Variants in NCCRP1 observed in about 807,000 individuals in gnomAD.
NCCRP1 encodes the protein F-box only protein 50.
NCCRP1 carries 32 observed loss-of-function variants against 34.4 expected under a neutral mutation model. The ratio of observed to expected loss-of-function variants is 0.93; its 90% CI spans 0.70 to 1.25. The LOEUF (loss-of-function observed/expected upper bound fraction) is 1.25, where lower values mean the gene tolerates loss of function less well. NCCRP1 is among the 50% of genes most tolerant of loss of function. The probability of loss-of-function intolerance (pLI) is 0.00; values close to 1 mark genes in which losing one functional copy is unlikely to be tolerated. For synonymous variants in NCCRP1, 172 were observed against 180.1 expected, an observed-to-expected ratio of 0.95 and a Z score of 0.36; for missense variants, 372 against 391.8, an observed-to-expected ratio of 0.95 and a Z score of 0.43.
At chr19:39,198,274 T>C in intron 3 of NCCRP1, 21 bp downstream of exon 3, 1 of 1,613,284 alleles carries the variant, frequency 6.2e-7, no homozygotes, top group South Asian at 1.1e-5. Flanking sequence ...AGGGCCAGTG[T>C]GGCTTACACT....
chr19:39,200,462 G>C lies in NCCRP1; in HGVS notation c.665G>C (p.Gly222Ala), dbSNP rs760549795. Reference sequence around the variant, plus strand: ...GTGGCCCCCCGAACTTCTGGGAGAGGACCCCCTGGCCGCTGGGTCCAGGTG... The same window carrying C: ...GTGGCCCCCCGAACTTCTGGGAGAGCACCCCCTGGCCGCTGGGTCCAGGTG... ...HHVAPRTSGR[G>A]PPGRWVQVSH... is the part of the protein sequence containing the mutation. The change falls in exon 5 of 6, where the codon GGA becomes GCA. Residue 222 changes from glycine to alanine, a missense_variant. Coordinates refer to ENST00000339852, the MANE Select transcript of NCCRP1 (RefSeq NM_001001414.2). This position sits in a 1 kb window ranked among gnomAD's most constrained non-coding sequence, Gnocchi z 5.8. The C allele has an allele frequency of 8.7e-6, 14 of 1,613,426 alleles. No individual in the cohort carries two copies. The highest frequency in any genetic ancestry group is 7.6e-6 in the Non-Finnish European group (9 of 1,180,014).
At chr19:39,199,513 T>A (rs1266710996) in intron 4 of NCCRP1, among the ~76,000 whole-genome samples, 1 of 114,142 alleles carries the variant, frequency 8.8e-6, no homozygotes, top group Non-Finnish European at 1.8e-5. Context: ...TTCTTTCTTT[T>A]TTTTTTTTTT....
intron 3 of NCCRP1, 56 bp downstream of exon 3, chr19:39,198,309 A>C: frequency 5.4e-5 from 86 of 1,578,870 alleles, no homozygotes; most frequent in Non-Finnish European, 7.1e-5. Context: ...ACCCTTCCTC[A>C]CTGTGAGACC....
intron 4 of NCCRP1, 103 bp downstream of exon 4, chr19:39,199,368 C>G: frequency 9.9e-6 from 10 of 1,009,964 alleles, no homozygotes; most frequent in Middle Eastern, 6.1e-4. Flanking sequence ...TTCACCAAGA[C>G]CCTCCTGGTG....
At position 39,200,082 on chromosome 19, in the gene NCCRP1, C is replaced by A. The variant is rs915235604; in HGVS notation, c.549-264C>A. Among the ~76,000 whole-genome samples the A allele has an allele frequency of 1.7e-4, 26 of 152,164 alleles. No homozygotes were observed. Among genetic ancestry groups the A allele is most frequent in the Non-Finnish European group, 3.8e-4 (26 of 68,030 alleles). On this transcript the variant is annotated intron_variant, in intron 4 of 5. Transcript: ENST00000339852. This position sits in a 1 kb window ranked among gnomAD's most constrained non-coding sequence, Gnocchi z 5.8. Reference sequence around the variant, plus strand: ...TGGGTCCCCCCATCCTGGCCCTGACCCCTCTGCCCGTGCTCCCCATCCCAA... The same window carrying A: ...TGGGTCCCCCCATCCTGGCCCTGACACCTCTGCCCGTGCTCCCCATCCCAA...
rs1419747154 is a variant in NCCRP1 at position 39,200,787 on chromosome 19, C to T, written c.*31C>T. The stretch of plus-strand genomic sequence containing the variant: ...TGGCTCCTCTGTCCTGACCCCACAG[C>T]ACCTCCCTGACCTTTAGGAGCCCCA... On this transcript the variant is annotated 3_prime_UTR_variant, in exon 6 of 6. Coordinates refer to ENST00000339852, the MANE Select transcript of NCCRP1 (RefSeq NM_001001414.2). The surrounding 1 kb of genome is among the most constrained non-coding windows in gnomAD (Gnocchi z 5.8). The T allele has an allele frequency of 6.3e-7, 1 of 1,595,832 alleles. No individual in the cohort carries two copies. The highest frequency in any genetic ancestry group is 1.7e-5 in the Admixed American group (1 of 58,586).
At position 39,197,136 on chromosome 19, in the gene NCCRP1, GC is replaced by G; in HGVS notation, c.158del (p.Pro53ArgfsTer28). Reference sequence around the variant, plus strand: ...GCCGCCGTCGCTGCCATCGCCCGCAGCCCCGGAGGCCCCCGAGCTCCCCGAG... The same window carrying G: ...GCCGCCGTCGCTGCCATCGCCCGCAGCCCGGAGGCCCCCGAGCTCCCCGAG... ...PSPPSLPSPAAPEAPELPEPA... is the reference protein window; with the variant it reads ...PSPPSLPSPAXPEAPELPEPA... On this transcript the variant is annotated frameshift_variant, in exon 1 of 6. Transcript: ENST00000339852. LOFTEE classifies it high-confidence loss of function. The G allele has an allele frequency of 6.7e-7, 1 of 1,497,960 alleles. No homozygotes were observed. The highest frequency in any genetic ancestry group is 2.7e-5 in the East Asian group (1 of 37,372). 92.8% of individuals were successfully genotyped at this position (1,497,960 alleles called of 1,614,324 possible). A position where few individuals can be genotyped will look rare whatever the true frequency, so the allele number is the denominator to read the frequency against.
Position 39,200,498 on chromosome 19 carries a change from C to T in NCCRP1, c.687+14C>T, listed in dbSNP as rs749663501. 3.5e-5 allele frequency: 56 copies of T among 1,611,730 alleles called. No homozygotes were observed. Among genetic ancestry groups the T allele is most frequent in the Middle Eastern group, 1.6e-4 (1 of 6,074 alleles). On this transcript the variant is annotated intron_variant, in intron 5 of 5. Coordinates refer to ENST00000339852, the MANE Select transcript of NCCRP1 (RefSeq NM_001001414.2). The surrounding 1 kb of genome is among the most constrained non-coding windows in gnomAD (Gnocchi z 5.8). The stretch of plus-strand genomic sequence containing the variant: ...CGCTGGGTCCAGGTGAGACTCTCCG[C>T]GCCGGGGCCCTCAACCCCAGACGTG...
chr19:39,199,153 C>T lies in NCCRP1; in HGVS notation c.453-17C>T, dbSNP rs990595760. ...GGCAGATCGCAGACCCCGCCTCTCC[C>T]GGCCCTTCTTTCACAGCTGGACAGT... is the stretch of plus-strand genomic sequence containing the variant. On this transcript the variant is annotated splice_polypyrimidine_tract_variant and intron_variant, in intron 3 of 5. Transcript: ENST00000339852. 16 of 1,612,064 alleles carry T rather than the reference C, an allele frequency of 9.9e-6. No individual in the cohort carries two copies. Among genetic ancestry groups the T allele is most frequent in the East Asian group, 2.2e-5 (1 of 44,882 alleles).
At chr19:39,197,793 G>A (rs949131516) in intron 1 of NCCRP1, among the ~76,000 whole-genome samples, 2 of 152,020 alleles carry the variant, frequency 1.3e-5, no homozygotes, top group Admixed American at 6.6e-5. Context: ...GCCAGGCTGG[G>A]CTGGTTTCAA....
At position 39,199,803 on chromosome 19, in the gene NCCRP1, G is replaced by A. The variant is rs572055691; in HGVS notation, c.548+538G>A. Reference sequence around the variant, plus strand: ...GCTGGGATTACAGGTGTGAGCCACTGTGCCCAGCCTATTCCTTATTTCTTA... The same window carrying A: ...GCTGGGATTACAGGTGTGAGCCACTATGCCCAGCCTATTCCTTATTTCTTA... On this transcript the variant is annotated intron_variant, in intron 4 of 5. Transcript: ENST00000339852. Among the ~76,000 whole-genome samples, 30 of 152,100 alleles carry A rather than the reference G, an allele frequency of 2.0e-4. 1 individual carries two copies. The South Asian group carries it at 6.0e-3, about 31-fold the overall frequency.
chr19:39,199,383 A>G (rs2074777509), intron 4 of NCCRP1, 118 bp downstream of exon 4: 3 of 877,386 alleles, frequency 3.4e-6, no homozygotes, highest in Non-Finnish European at 5.4e-6. Context: ...CTGGTGCTAC[A>G]GGGTCCTGCC....
chr19:39,199,302 C>T (rs568182846), intron 4 of NCCRP1, 37 bp downstream of exon 4: 4 of 1,584,566 alleles, frequency 2.5e-6, no homozygotes, highest in South Asian at 1.1e-5. Flanking sequence ...ACCCCGTGAT[C>T]GCGCAGGGCT....
At chr19:39,197,932 G>C in intron 1 of NCCRP1, 121 bp from the exon 2 acceptor site, 1 of 1,160,672 alleles carries the variant, frequency 8.6e-7, no homozygotes. Context: ...CATCCCTGCC[G>C]GGCTTCCCTG....
Position 39,200,968 on chromosome 19 carries a change from C to A in NCCRP1, c.*212C>A. The A allele has an allele frequency of 1.8e-6, 1 of 570,444 alleles. No homozygotes were observed. The highest frequency in any genetic ancestry group is 3.1e-6 in the Non-Finnish European group (1 of 327,550). The allele number at this position is 570,444 out of a possible 1,614,324, so 35.3% of individuals were successfully genotyped here. ...AGCCACTCCTTGTAAATTCAGTGCC[C>A]GACAGATGCTCTGGCACAGATGCTT... On this transcript the variant is annotated 3_prime_UTR_variant, in exon 6 of 6. Transcript: ENST00000339852. This position sits in a 1 kb window ranked among gnomAD's most constrained non-coding sequence, Gnocchi z 5.8.
chr19:39,199,113 T>C, intron 3 of NCCRP1, 57 bp from the exon 4 acceptor site: 1 of 1,542,452 alleles, frequency 6.5e-7, no homozygotes, highest in Non-Finnish European at 9.0e-7. Flanking sequence ...CAGGGCTTCC[T>C]GCTCCCTGGA....
Position 39,199,201 on chromosome 19 carries a change from C to G in NCCRP1, c.484C>G (p.Leu162Val), listed in dbSNP as rs541821196. The change falls in exon 4 of 6, where the codon CTG (leucine) becomes GTG (valine). Residue 162 changes from leucine to valine, a missense_variant. By Grantham distance (32) the Leu-to-Val change is conservative. Coordinates refer to ENST00000339852, the MANE Select transcript of NCCRP1 (RefSeq NM_001001414.2). Reference sequence around the variant, plus strand: ...AGTGAAGCAGCAGTGTGTGGACCTTCTGGCCGAGGGCCTGTGGGAGGAGCT... The same window carrying G: ...AGTGAAGCAGCAGTGTGTGGACCTTGTGGCCGAGGGCCTGTGGGAGGAGCT... The part of the protein sequence containing the change: ...WTVKQQCVDL[L>V]AEGLWEELLD... 1.2e-6 allele frequency: 2 copies of G among 1,614,156 alleles called. No individual in the cohort carries two copies. The highest frequency in any genetic ancestry group is 1.3e-5 in the African/African-American group (1 of 75,046).
In NCCRP1 at chr19:39,200,289, C is replaced by G. The variant is rs539030775; in HGVS notation, c.549-57C>G. On this transcript the variant is annotated intron_variant, in intron 4 of 5. Transcript: ENST00000339852. This position sits in a 1 kb window ranked among gnomAD's most constrained non-coding sequence, Gnocchi z 5.8. The stretch of plus-strand genomic sequence containing the variant: ...GTTGAATGGGGAATGGGGCCAGGGG[C>G]TGGGGCTGGGTAGCTGAGACTGCAG... The G allele has an allele frequency of 6.9e-6, 11 of 1,597,594 alleles. No homozygotes were observed. In the South Asian group the frequency reaches 9.0e-5, roughly 13 times the overall value.
chr19:39,198,199 C>T lies in NCCRP1; in HGVS notation c.401-3C>T. 6.2e-7 allele frequency: 1 copy of T among 1,614,166 alleles called. No homozygotes were observed. The highest frequency in any genetic ancestry group is 8.5e-7 in the Non-Finnish European group (1 of 1,180,032). On this transcript the variant is annotated splice_polypyrimidine_tract_variant and splice_region_variant and intron_variant, in intron 2 of 5. Coordinates refer to ENST00000339852, the MANE Select transcript of NCCRP1 (RefSeq NM_001001414.2). Reference sequence around the variant, plus strand: ...TCCTAACCCTTTGCTCCCCAACCTGCAGGCAATTTCCGTGGCTGGTACATT... The same window carrying T: ...TCCTAACCCTTTGCTCCCCAACCTGTAGGCAATTTCCGTGGCTGGTACATT...
Sources: allele counts gnomAD v4.1 joint callset (sites outside exome capture counted in the v4.1 genomes callset), GRCh38; gene constraint gnomAD v4.1.1; non-coding constraint Gnocchi (gnomAD v3.1); transcripts MANE v1.5; gene names NCBI Gene and HGNC (gene_info 2026-07-23, HGNC 2026-07-21).